Variants in IGF2 observed in about 807,000 individuals in gnomAD.
IGF2 encodes insulin like growth factor 2.
Under a neutral mutation model 12.0 loss-of-function variants are expected in IGF2, and 2 were observed. The ratio of observed to expected loss-of-function variants is 0.17; its 90% CI spans 0.07 to 0.52. IGF2 has a LOEUF of 0.52. Among genes scored for constraint, IGF2 ranks in the 20% least tolerant of loss-of-function variants. The probability of loss-of-function intolerance (pLI) is 0.95; values close to 1 mark genes in which losing one functional copy is unlikely to be tolerated. For missense variants in IGF2, 211 were observed against 268.0 expected, an observed-to-expected ratio of 0.79 and a Z score of 1.48; for synonymous variants, 105 against 110.1, an observed-to-expected ratio of 0.95 and a Z score of 0.29.
At chr11:2,143,103 G>A (rs4244809), upstream of IGF2, among the ~76,000 whole-genome samples, 29,446 of 152,082 alleles carry the variant, frequency 0.19, 3,530 homozygotes, top group East Asian at 0.53. Flanking sequence ...TGAAACTCAG[G>A]CAATCAGAGG....
At chr11:2,138,200 C>T (rs1859231093) in intron 1 of IGF2, 29 bp downstream of exon 1, 2 of 982,982 alleles carry the variant, frequency 2.0e-6, no homozygotes, top group Non-Finnish European at 2.4e-6. Flanking sequence ...CCAGCCCCGG[C>T]CCCGGCCCGG....
At position 2,138,590 on chromosome 11, in the gene IGF2, A is replaced by T; in HGVS notation, c.-368T>A. The T allele has an allele frequency of 1.1e-6, 1 of 884,962 alleles. No homozygotes were observed. The highest frequency in any genetic ancestry group is 1.3e-6 in the Non-Finnish European group (1 of 746,916). 54.8% of individuals were successfully genotyped at this position (884,962 alleles called of 1,614,324 possible). A position where few individuals can be genotyped will look rare whatever the true frequency, so the allele number is the denominator to read the frequency against. On this transcript the variant is annotated 5_prime_UTR_variant, in exon 1 of 4. Transcript: ENST00000416167. ...GGGGGCCGAAGAGAGGGCGAGGGGG[A>T]GAGAGGACAGCGAGAGGCGGGCAGG...
chr11:2,142,339 C>T (rs575560207), upstream of IGF2, among the ~76,000 whole-genome samples: 3 of 152,182 alleles, frequency 2.0e-5, no homozygotes, highest in African/African-American at 7.2e-5. The surrounding 1 kb of genome is among the most constrained non-coding windows in gnomAD (Gnocchi z 5.7). Flanking sequence ...AGGGAAGTTG[C>T]TCAGAGTCCT....
chr11:2,147,677 C>T, the IGF2 span: 18 of 1,250,388 alleles, frequency 1.4e-5, no homozygotes, highest in Admixed American at 4.2e-5. This position sits in a 1 kb window ranked among gnomAD's most constrained non-coding sequence, Gnocchi z 7.2. Flanking sequence ...GGACTGGGCT[C>T]TCTGGCCTGC....
chr11:2,133,342 G>T lies in IGF2; in HGVS notation c.307-119C>A. The T allele has an allele frequency of 3.0e-6, 3 of 1,000,770 alleles. No individual in the cohort carries two copies. The highest frequency in any genetic ancestry group is 2.9e-6 in the Non-Finnish European group (2 of 690,024). 62.0% of individuals were successfully genotyped at this position (1,000,770 alleles called of 1,614,324 possible). A position where few individuals can be genotyped will look rare whatever the true frequency, so the allele number is the denominator to read the frequency against. On this transcript the variant is annotated intron_variant, in intron 3 of 3. Coordinates refer to ENST00000416167, the MANE Select transcript of IGF2 (RefSeq NM_000612.6). This position sits in a 1 kb window ranked among gnomAD's most constrained non-coding sequence, Gnocchi z 8.9. ...ATCAGTGACTTGAGCTAATGTCCAC[G>T]GGCAGAGGGACAGAAGGAGCCAGCG...
chr11:2,133,232 G>T lies in IGF2; in HGVS notation c.307-9C>A. On this transcript the variant is annotated splice_polypyrimidine_tract_variant and intron_variant, in intron 3 of 3. Coordinates refer to ENST00000416167, the MANE Select transcript of IGF2 (RefSeq NM_000612.6). This position sits in a 1 kb window ranked among gnomAD's most constrained non-coding sequence, Gnocchi z 8.9. ...TATCTGGGGAAGTTGTCCTGGGAGG[G>T]GAAGGGGCTGGTCAGCAGGTGCCTG... 6.6e-7 allele frequency: 1 copy of T among 1,514,842 alleles called. No individual in the cohort carries two copies. Among genetic ancestry groups the T allele is most frequent in the Non-Finnish European group, 8.9e-7 (1 of 1,122,424 alleles). The allele number at this position is 1,514,842 out of a possible 1,614,324, so 93.8% of individuals were successfully genotyped here.
chr11:2,149,461 T>A, the IGF2 span: 2 of 873,978 alleles, frequency 2.3e-6, no homozygotes, highest in Non-Finnish European at 3.6e-6. Flanking sequence ...AATGATGGGT[T>A]TACCCCTCAC....
intron 1 of IGF2, among the ~76,000 whole-genome samples, chr11:2,135,941 C>T (rs1858999493): frequency 1.3e-5 from 2 of 152,186 alleles, no homozygotes; most frequent in African/African-American, 2.4e-5. Context: ...CGCCACTTCT[C>T]AGGCCTCCAG....
chr11:2,140,417 C>A (rs112914974), upstream of IGF2: 1 of 929,894 alleles, frequency 1.1e-6, no homozygotes, highest in African/African-American at 1.7e-5. Flanking sequence ...GGGAAGGGGC[C>A]GCCGGCGGAA....
At position 2,131,422 on chromosome 11, in the gene IGF2, G is replaced by T. The variant is rs533083978; in HGVS notation, c.*1565C>A. On this transcript the variant is annotated 3_prime_UTR_variant, in exon 4 of 4. Coordinates refer to ENST00000416167, the MANE Select transcript of IGF2 (RefSeq NM_000612.6). ...ATTGTTTTCATCCAATTTTGTGGGG[G>T]TGTGCGTGTGTGTGCGCATGTGTGT... 5.2e-5 allele frequency: 12 copies of T among 232,248 alleles called. No individual in the cohort carries two copies. The South Asian group carries it at 2.0e-3, about 38-fold the overall frequency. 14.4% of individuals were successfully genotyped at this position (232,248 alleles called of 1,614,324 possible).
rs59198946 is a variant in IGF2, at chr11:2,132,043, T to TGTGTGTGTGCTGTATGCTC, written c.*943_*944insGAGCATACAGCACACACAC. The TGTGTGTGTGCTGTATGCTC allele has an allele frequency of 0.74, 136,011 of 184,238 alleles. 52,013 individuals are homozygous for TGTGTGTGTGCTGTATGCTC. Among genetic ancestry groups the TGTGTGTGTGCTGTATGCTC allele is most frequent in the African/African-American group, 0.92 (36,204 of 39,518 alleles). 11.4% of individuals were successfully genotyped at this position (184,238 alleles called of 1,614,324 possible). ...CTGTGTGCTGTGTGTGCTGTGCGTT[T>TGTGTGTGTGCTGTATGCTC]GTGTGTGTGCTGTGCTCGTGTGTGT... On this transcript the variant is annotated 3_prime_UTR_variant, in exon 4 of 4. Coordinates refer to ENST00000416167, the MANE Select transcript of IGF2 (RefSeq NM_000612.6).
chr11:2,142,169 G>A (rs2133622064), upstream of IGF2, among the ~76,000 whole-genome samples: 1 of 151,544 alleles, frequency 6.6e-6, no homozygotes, highest in Middle Eastern at 3.4e-3. This position sits in a 1 kb window ranked among gnomAD's most constrained non-coding sequence, Gnocchi z 5.7. Flanking sequence ...GGGACCCAGG[G>A]CAGGGACCAT....
intron 1 of IGF2, chr11:2,137,332 TC>T (rs1233079594): frequency 5.1e-5 from 45 of 888,994 alleles, no homozygotes; most frequent in Non-Finnish European, 6.1e-5. Flanking sequence ...AGCCGACTCC[TC>T]CCAGCCCGGG....
upstream of IGF2, chr11:2,140,314 C>A: frequency 6.2e-7 from 1 of 1,607,682 alleles, no homozygotes; most frequent in African/African-American, 1.3e-5. Flanking sequence ...AGAGTTTGAA[C>A]GATGTAAGAA....
In IGF2 at chr11:2,132,129, G is replaced by T; in HGVS notation, c.*858C>A. 1 of 211,106 alleles carries T rather than the reference G, an allele frequency of 4.7e-6. No individual in the cohort carries two copies. Among genetic ancestry groups the T allele is most frequent in the Non-Finnish European group, 9.6e-6 (1 of 103,986 alleles). The allele number at this position is 211,106 out of a possible 1,614,324, so 13.1% of individuals were successfully genotyped here. ...GTAGCTGCGGGGATGCATAAAGTAT[G>T]AGTGCTTTTTAGGATGGGAATTGAG... On this transcript the variant is annotated 3_prime_UTR_variant, in exon 4 of 4. Coordinates refer to ENST00000416167, the MANE Select transcript of IGF2 (RefSeq NM_000612.6).
At chr11:2,143,648 G>A (rs1859736218), upstream of IGF2, among the ~76,000 whole-genome samples, 2 of 152,170 alleles carry the variant, frequency 1.3e-5, no homozygotes, top group Non-Finnish European at 1.5e-5. Flanking sequence ...AAGCACATCT[G>A]GGGCCCCAGG....
At chr11:2,140,617 G>A (rs776147535), upstream of IGF2, 2 of 522,394 alleles carry the variant, frequency 3.8e-6, no homozygotes, top group East Asian at 5.1e-5. Flanking sequence ...CCCTCCAGCC[G>A]CTTTCCCCAC....
rs1859301191 is a variant in IGF2 at position 2,138,765 on chromosome 11, C to A, written c.-543G>T. Reference sequence around the variant, plus strand: ...ACGGGAGGGAGCGAAGGGAAGGTTGCGGGAGAAAGAGCGGGGGCCGGGGCC... The same window carrying A: ...ACGGGAGGGAGCGAAGGGAAGGTTGAGGGAGAAAGAGCGGGGGCCGGGGCC... On this transcript the variant is annotated 5_prime_UTR_variant, in exon 1 of 4. Coordinates refer to ENST00000416167, the MANE Select transcript of IGF2 (RefSeq NM_000612.6). 5.5e-6 allele frequency: 5 copies of A among 912,726 alleles called. No homozygotes were observed. Among genetic ancestry groups the A allele is most frequent in the Non-Finnish European group, 6.4e-6 (5 of 782,276 alleles). The allele number at this position is 912,726 out of a possible 1,614,324, so 56.5% of individuals were successfully genotyped here.
chr11:2,138,389 G>A lies in IGF2; in HGVS notation c.-167C>T. 1 of 240,800 alleles carries A rather than the reference G, an allele frequency of 4.2e-6. No individual in the cohort carries two copies. Among genetic ancestry groups the A allele is most frequent in the Non-Finnish European group, 5.1e-6 (1 of 195,690 alleles). The allele number at this position is 240,800 out of a possible 1,614,324, so 14.9% of individuals were successfully genotyped here. On this transcript the variant is annotated 5_prime_UTR_variant, in exon 1 of 4. Coordinates refer to ENST00000416167, the MANE Select transcript of IGF2 (RefSeq NM_000612.6). ...CAGAGCGGGGGGATGGCTTTTTTTT[G>A]GGGGGGGGGGGAGAATTCGTCTGAT...
Sources: gnomAD v4.1 joint callset for allele counts (sites outside exome capture counted in the v4.1 genomes callset) on GRCh38, gnomAD v4.1.1 for gene constraint, Gnocchi (gnomAD v3.1) non-coding constraint, MANE v1.5 for transcripts, NCBI Gene and HGNC (gene_info 2026-07-23, HGNC 2026-07-21) for gene names.